The following PARD3 variants were observed in gnomAD, a reference collection of about 807,000 sequenced individuals.
The protein encoded by PARD3 is partitioning defective 3 homolog.
A neutral mutation model predicts 155.4 loss-of-function variants in PARD3; 75 were observed. The ratio of observed to expected loss-of-function variants is 0.48; its 90% CI spans 0.40 to 0.58. The LOEUF is 0.58. PARD3 is among the 20% of genes least tolerant of loss of function. The pLI, the probability that PARD3 is intolerant of heterozygous loss-of-function variation, is 0.00. For missense variants in PARD3, 1,642 were observed against 1,721.7 expected (o/e 0.95, Z 0.82); for synonymous variants, 576 against 610.5 (o/e 0.94, Z 0.83).
intron 2 of PARD3, among the ~76,000 whole-genome samples, chr10:34,611,930 G>GC (rs34946255): frequency 0.35 from 36,865 of 104,378 alleles, 6,535 homozygotes; most frequent in South Asian, 0.41. Flanking sequence ...CTGCCTCAGC[G>GC]CCCCCCCTAC....
chr10:34,114,185 C>A (rs1946544164), intron 24 of PARD3, among the ~76,000 whole-genome samples: 1 of 151,914 alleles, frequency 6.6e-6, no homozygotes, highest in South Asian at 2.1e-4. Flanking sequence ...TTGCTTGAGC[C>A]CAGGAGGTCG....
intron 2 of PARD3, among the ~76,000 whole-genome samples, chr10:34,659,232 C>T (rs1205937662): frequency 2.0e-5 from 3 of 152,100 alleles, no homozygotes; most frequent in Admixed American, 6.6e-5. Context: ...TGAGTTTCCT[C>T]CACTAAATAA....
At chr10:34,469,152 C>A (rs1054698517) in intron 4 of PARD3, among the ~76,000 whole-genome samples, 1 of 152,166 alleles carries the variant, frequency 6.6e-6, no homozygotes, top group African/African-American at 2.4e-5. Flanking sequence ...ACTCTGTCGC[C>A]CAGGCTAGAG....
At chr10:34,496,208 G>A (rs1262914828) in intron 3 of PARD3, among the ~76,000 whole-genome samples, 1 of 149,928 alleles carries the variant, frequency 6.7e-6, no homozygotes, top group Non-Finnish European at 1.5e-5. Flanking sequence ...TGTCTCAAAA[G>A]GGAAGAAGAA....
At chr10:34,159,921 G>T (rs1259801514) in intron 22 of PARD3, among the ~76,000 whole-genome samples, 16 of 152,218 alleles carry the variant, frequency 1.1e-4, no homozygotes, top group African/African-American at 3.9e-4. Flanking sequence ...ACGAGGAGTG[G>T]ACTCTATGAG....
At chr10:34,647,216 T>G (rs2092867668) in intron 2 of PARD3, among the ~76,000 whole-genome samples, 1 of 152,198 alleles carries the variant, frequency 6.6e-6, no homozygotes, top group Non-Finnish European at 1.5e-5. Flanking sequence ...TGTTCATTAT[T>G]TATTATAAAC....
At chr10:34,676,822 T>C (rs544741948) in intron 2 of PARD3, among the ~76,000 whole-genome samples, 16 of 152,160 alleles carry the variant, frequency 1.1e-4, no homozygotes, top group Non-Finnish European at 1.8e-4. Flanking sequence ...TCAAGCAGTT[T>C]TAAACTATGA....
intron 2 of PARD3, among the ~76,000 whole-genome samples, chr10:34,520,069 T>C (rs777797411): frequency 2.0e-4 from 31 of 152,088 alleles, no homozygotes; most frequent in Non-Finnish European, 3.2e-4. Context: ...GGCCAACACT[T>C]GTCTCAGGTC....
chr10:34,768,343 G>GAAAGGCGGGATAACTCGAAGC (rs982738929), intron 1 of PARD3, among the ~76,000 whole-genome samples: 1 of 88,506 alleles, frequency 1.1e-5, no homozygotes, highest in East Asian at 6.3e-4. Context: ...GTTCCATCTG[G>GAAAGGCGGGATAACTCGAAGC]AAAGGCGGGA....
chr10:34,757,502 C>G (rs574906695), intron 1 of PARD3, among the ~76,000 whole-genome samples: 33 of 152,070 alleles, frequency 2.2e-4, no homozygotes, highest in African/African-American at 8.0e-4. Context: ...GCCAGGAGTT[C>G]GAGAGCAACC....
At chr10:34,477,987 A>G (rs1301577177) in intron 3 of PARD3, among the ~76,000 whole-genome samples, 1 of 152,212 alleles carries the variant, frequency 6.6e-6, no homozygotes, top group East Asian at 1.9e-4. Flanking sequence ...TTGCAAAACC[A>G]ACCTTCAGAT....
At chr10:34,426,988 T>C (rs918418924) in intron 5 of PARD3, among the ~76,000 whole-genome samples, 2 of 152,258 alleles carry the variant, frequency 1.3e-5, no homozygotes, top group Non-Finnish European at 2.9e-5. Flanking sequence ...CCCCAATCAA[T>C]ACTCTTGTGA....
At chr10:34,450,569 C>A in intron 4 of PARD3, 121 bp from the exon 5 acceptor site, 1 of 935,340 alleles carries the variant, frequency 1.1e-6, no homozygotes, top group East Asian at 2.7e-5. Context: ...TCTTTCCAAT[C>A]CTATACAAAA....
intron 22 of PARD3, among the ~76,000 whole-genome samples, chr10:34,262,426 C>A (rs1405069389): frequency 1.3e-5 from 2 of 152,052 alleles, no homozygotes; most frequent in Non-Finnish European, 2.9e-5. Context: ...GACCACCATG[C>A]CCGGATAATT....
chr10:34,742,104 A>T (rs1431832156), intron 1 of PARD3, among the ~76,000 whole-genome samples: 1 of 152,190 alleles, frequency 6.6e-6, no homozygotes, highest in African/African-American at 2.4e-5. Context: ...TGGGAGGATG[A>T]AAATTCACGT....
At chr10:34,253,065 T>C (rs933518796) in intron 22 of PARD3, among the ~76,000 whole-genome samples, 3 of 152,202 alleles carry the variant, frequency 2.0e-5, no homozygotes, top group Non-Finnish European at 4.4e-5. Context: ...AATTCAAAGA[T>C]GTGCTGGTCT....
rs1318300671 is a variant in PARD3, at chr10:34,111,115, T to A, written c.*54A>T. On this transcript the variant is annotated 3_prime_UTR_variant, in exon 25 of 25. Transcript: ENST00000374788. Reference sequence around the variant, plus strand: ...TAAAAAAACTCCCAAAATACAAGTCTTCATAGGAAAATGTCTTTTATTGCG... The same window carrying A: ...TAAAAAAACTCCCAAAATACAAGTCATCATAGGAAAATGTCTTTTATTGCG... 1.4e-5 allele frequency: 21 copies of A among 1,504,822 alleles called. No homozygotes were observed. The highest frequency in any genetic ancestry group is 1.8e-5 in the Non-Finnish European group (20 of 1,125,846). The allele number at this position is 1,504,822 out of a possible 1,614,324, so 93.2% of individuals were successfully genotyped here. A position where few individuals can be genotyped will look rare whatever the true frequency, so the allele number is the denominator to read the frequency against.
chr10:34,425,085 A>AC (rs1221407572), intron 5 of PARD3, among the ~76,000 whole-genome samples: 1 of 150,954 alleles, frequency 6.6e-6, no homozygotes, highest in Non-Finnish European at 1.5e-5. Flanking sequence ...GACCAAGACC[A>AC]CTTTTTTTTT....
At chr10:34,448,845 C>T (rs2076899473) in intron 5 of PARD3, among the ~76,000 whole-genome samples, 2 of 150,930 alleles carry the variant, frequency 1.3e-5, no homozygotes, top group African/African-American at 4.9e-5. Context: ...AATTTGCCAA[C>T]AGAATAGATC....
Sources: gnomAD v4.1 joint callset for allele counts (sites outside exome capture counted in the v4.1 genomes callset) on GRCh38, gnomAD v4.1.1 for gene constraint, MANE v1.5 for transcripts, NCBI Gene and HGNC (gene_info 2026-07-23, HGNC 2026-07-21) for gene names.